Variants in B3GALT1 observed in about 807,000 individuals in gnomAD.
The protein encoded by B3GALT1 is beta-1,3-galactosyltransferase 1.
A neutral mutation model predicts 23.2 loss-of-function variants in B3GALT1; 10 were observed. That is an observed-to-expected ratio of 0.43 (90% CI 0.27 to 0.73). The LOEUF is 0.73. Among genes scored for constraint, B3GALT1 ranks in the 30% least tolerant of loss-of-function variants. The pLI is 0.21. For synonymous variants in B3GALT1, 156 were observed against 141.5 expected, an observed-to-expected ratio of 1.10 and a Z score of -0.73; for missense variants, 299 against 405.4, an observed-to-expected ratio of 0.74 and a Z score of 2.25.
At chr2:167,724,292 C>T (rs1048647681) in intron 3 of B3GALT1, among the ~76,000 whole-genome samples, 5 of 152,168 alleles carry the variant, frequency 3.3e-5, no homozygotes, top group African/African-American at 1.2e-4. Flanking sequence ...CAGGGGAAAC[C>T]TCACATGCCT....
intron 3 of B3GALT1, among the ~76,000 whole-genome samples, chr2:167,650,308 A>G (rs1574190293): frequency 6.7e-6 from 1 of 148,884 alleles, no homozygotes; most frequent in East Asian, 2.0e-4. Context: ...TGATCTATAT[A>G]TATATATGTG....
At position 167,870,350 on chromosome 2, in the gene B3GALT1, A is replaced by G. The variant is rs1690318025; in HGVS notation, c.*330A>G. 2 of 221,630 alleles carry G rather than the reference A, an allele frequency of 9.0e-6. No individual in the cohort carries two copies. Among genetic ancestry groups the G allele is most frequent in the Admixed American group, 5.2e-5 (1 of 19,090 alleles). 13.7% of individuals were successfully genotyped at this position (221,630 alleles called of 1,614,324 possible). A position where few individuals can be genotyped will look rare whatever the true frequency, so the allele number is the denominator to read the frequency against. On this transcript the variant is annotated 3_prime_UTR_variant, in exon 5 of 5. Coordinates refer to ENST00000392690, the MANE Select transcript of B3GALT1 (RefSeq NM_020981.4). ...TTCTGGGAAACTGAAACTCACAGTA[A>G]TGTGTCATATCATCCCTGCAAAAAT...
intron 2 of B3GALT1, among the ~76,000 whole-genome samples, chr2:167,508,112 C>A (rs1231728289): frequency 6.6e-6 from 1 of 152,170 alleles, no homozygotes; most frequent in Non-Finnish European, 1.5e-5. Context: ...CTCTAATTCA[C>A]TTTCAAAGCT....
At chr2:167,314,423 T>G (rs905554166) in intron 1 of B3GALT1, among the ~76,000 whole-genome samples, 1 of 152,164 alleles carries the variant, frequency 6.6e-6, no homozygotes, top group African/African-American at 2.4e-5. Context: ...CTTTAACAAG[T>G]GTTTCTCTGC....
chr2:167,836,573 G>A (rs1363284577), intron 4 of B3GALT1, among the ~76,000 whole-genome samples: 1 of 152,168 alleles, frequency 6.6e-6, no homozygotes, highest in Non-Finnish European at 1.5e-5. Flanking sequence ...AAAGTGATGG[G>A]GAGAATGGAA....
At chr2:167,401,846 A>G (rs956842284) in intron 1 of B3GALT1, among the ~76,000 whole-genome samples, 1 of 152,200 alleles carries the variant, frequency 6.6e-6, no homozygotes. Flanking sequence ...CTTAGGACAC[A>G]GTATTGAGGA....
chr2:167,609,703 A>G (rs1157126097), intron 2 of B3GALT1, among the ~76,000 whole-genome samples: 1 of 152,168 alleles, frequency 6.6e-6, no homozygotes, highest in African/African-American at 2.4e-5. Flanking sequence ...TGTGCTACAC[A>G]CTGTTCTTGA....
intron 1 of B3GALT1, among the ~76,000 whole-genome samples, chr2:167,470,847 A>G (rs1386923142): frequency 2.0e-5 from 3 of 152,222 alleles, no homozygotes; most frequent in Non-Finnish European, 4.4e-5. Context: ...TTAAAAATAA[A>G]ATATACACCT....
Position 167,868,807 on chromosome 2 carries a change from G to A in B3GALT1, c.-229-4G>A, listed in dbSNP as rs181424072. 10 of 464,408 alleles carry A rather than the reference G, an allele frequency of 2.2e-5. No homozygotes were observed. The East Asian group carries it at 3.2e-4, about 15-fold the overall frequency. The allele number at this position is 464,408 out of a possible 1,614,324, so 28.8% of individuals were successfully genotyped here. The stretch of plus-strand genomic sequence containing the variant: ...GTGACAACTGTACTTTATTGATTTT[G>A]CAGAGTTAAGAGGAAGATTTATGAG... On this transcript the variant is annotated splice_region_variant and splice_polypyrimidine_tract_variant and intron_variant, in intron 4 of 4. Coordinates refer to ENST00000392690, the MANE Select transcript of B3GALT1 (RefSeq NM_020981.4).
chr2:167,754,325 CTT>C (rs548878356), intron 3 of B3GALT1, among the ~76,000 whole-genome samples: 27 of 152,282 alleles, frequency 1.8e-4, no homozygotes, highest in African/African-American at 5.8e-4. Context: ...CAGCAGTTCT[CTT>C]AAGTCTGCAG....
chr2:167,517,071 C>A (rs1700110054), intron 2 of B3GALT1, among the ~76,000 whole-genome samples: 1 of 151,760 alleles, frequency 6.6e-6, no homozygotes, highest in African/African-American at 2.4e-5. Flanking sequence ...CCCTGAACCT[C>A]TAACAAAACA....
At chr2:167,415,724 T>G (rs1698458942) in intron 1 of B3GALT1, among the ~76,000 whole-genome samples, 1 of 152,162 alleles carries the variant, frequency 6.6e-6, no homozygotes, top group South Asian at 2.1e-4. Context: ...AACGTTCTGA[T>G]GAGATTTCAG....
intron 1 of B3GALT1, among the ~76,000 whole-genome samples, chr2:167,437,327 A>G (rs772258805): frequency 1.3e-5 from 2 of 152,190 alleles, no homozygotes. Flanking sequence ...GGACAAAGGT[A>G]TATGCACACT....
chr2:167,765,833 C>A (rs535921473), intron 3 of B3GALT1, among the ~76,000 whole-genome samples: 15 of 152,236 alleles, frequency 9.9e-5, no homozygotes, highest in African/African-American at 3.6e-4. Flanking sequence ...TACCGATAAA[C>A]CTTATAACAC....
chr2:167,863,108 T>C (rs1690137008), intron 4 of B3GALT1, among the ~76,000 whole-genome samples: 1 of 152,228 alleles, frequency 6.6e-6, no homozygotes, highest in Non-Finnish European at 1.5e-5. Flanking sequence ...AAAAGATTTT[T>C]TTTTAATCTT....
At chr2:167,482,901 G>A (rs556079853) in intron 1 of B3GALT1, among the ~76,000 whole-genome samples, 5 of 152,182 alleles carry the variant, frequency 3.3e-5, no homozygotes, top group South Asian at 2.1e-4. Flanking sequence ...TAATTATAAC[G>A]CAGTGTGCTG....
At chr2:167,563,067 C>A (rs955261227) in intron 2 of B3GALT1, among the ~76,000 whole-genome samples, 16 of 152,066 alleles carry the variant, frequency 1.1e-4, no homozygotes, top group African/African-American at 3.6e-4. Flanking sequence ...ACAGACACGG[C>A]AACCATCCGA....
chr2:167,369,391 T>C (rs1385991575), intron 1 of B3GALT1, among the ~76,000 whole-genome samples: 1 of 152,094 alleles, frequency 6.6e-6, no homozygotes, highest in Admixed American at 6.6e-5. Flanking sequence ...AGGCTTGCAG[T>C]ATTTTGTATT....
chr2:167,623,608 G>A (rs115862836), intron 2 of B3GALT1, among the ~76,000 whole-genome samples: 1,678 of 152,114 alleles, frequency 0.011, 15 homozygotes, highest in South Asian at 0.037. Context: ...GTCAGGGAGT[G>A]GGGGGCAAGG....
Sources: allele counts gnomAD v4.1 joint callset (sites outside exome capture counted in the v4.1 genomes callset), GRCh38; gene constraint gnomAD v4.1.1; transcripts MANE v1.5; gene names NCBI Gene and HGNC (gene_info 2026-07-23, HGNC 2026-07-21).